ARFGEF3: variants seen among roughly 807,000 people sequenced by gnomAD.
ARFGEF3 encodes the protein brefeldin A-inhibited guanine nucleotide-exchange protein 3.
A neutral mutation model predicts 221.7 loss-of-function variants in ARFGEF3; 96 were observed. The ratio of observed to expected loss-of-function variants is 0.43; its 90% CI spans 0.37 to 0.51. The LOEUF is 0.51. Among genes scored for constraint, ARFGEF3 ranks in the 20% least tolerant of loss-of-function variants. The pLI is 0.00. For missense variants in ARFGEF3, 2,410 were observed against 2,789.9 expected (o/e 0.86, Z 3.07); for synonymous variants, 1,145 against 1,126.8 (o/e 1.02, Z -0.32).
chr6:138,238,659 C>T lies in ARFGEF3; in HGVS notation c.543+28C>T, dbSNP rs572955778. On this transcript the variant is annotated intron_variant, in intron 6 of 33. Coordinates refer to ENST00000251691, the MANE Select transcript of ARFGEF3 (RefSeq NM_020340.5). ...GAGTCTGTGACACCCCCATGTTCAT[C>T]ACCTTCCTGGTGGTGTCTGTGTATC... is the stretch of plus-strand genomic sequence containing the variant. 2.7e-5 allele frequency: 43 copies of T among 1,609,334 alleles called. No individual in the cohort carries two copies. The South Asian group carries it at 4.5e-4, about 17-fold the overall frequency.
intron 19 of ARFGEF3, among the ~76,000 whole-genome samples, chr6:138,293,485 G>A (rs968138105): frequency 6.6e-6 from 1 of 152,182 alleles, no homozygotes; most frequent in Non-Finnish European, 1.5e-5. Context: ...TCACATCCAG[G>A]CCTTTGGGTG....
At position 138,285,924 on chromosome 6, in the gene ARFGEF3, CTTCT is replaced by C; in HGVS notation, c.2462-15_2462-12del. ...ACTGGAGTGTTTTATTTAGGGAAAACTTCTTTCTTTTTCCTTGACAGATATTGAC... is the reference window on the plus strand; with the variant it reads ...ACTGGAGTGTTTTATTTAGGGAAAACTTCTTTTTCCTTGACAGATATTGAC... On this transcript the variant is annotated intron_variant, in intron 14 of 33. Coordinates refer to ENST00000251691, the MANE Select transcript of ARFGEF3 (RefSeq NM_020340.5). 2.0e-6 allele frequency: 3 copies of C among 1,530,946 alleles called. No homozygotes were observed. Among genetic ancestry groups the C allele is most frequent in the Non-Finnish European group, 2.7e-6 (3 of 1,107,146 alleles). The allele number at this position is 1,530,946 out of a possible 1,614,324, so 94.8% of individuals were successfully genotyped here.
intron 14 of ARFGEF3, 38 bp downstream of exon 14, chr6:138,280,202 G>A (rs1354529915): frequency 1.9e-6 from 3 of 1,600,750 alleles, no homozygotes; most frequent in Admixed American, 1.7e-5. Context: ...GCACGTGGTA[G>A]GGTGGGACGG....
rs114035151 is a variant in ARFGEF3, at chr6:138,224,758, G to A, written c.352-5026G>A. On this transcript the variant is annotated intron_variant, in intron 4 of 33. Coordinates refer to ENST00000251691, the MANE Select transcript of ARFGEF3 (RefSeq NM_020340.5). Reference sequence around the variant, plus strand: ...CAATGGTGTGTGTGTGTGCGTGTATGTGTGTAAGTATACAGATTTAAGTAG... The same window carrying A: ...CAATGGTGTGTGTGTGTGCGTGTATATGTGTAAGTATACAGATTTAAGTAG... Among the ~76,000 whole-genome samples, 955 of 152,324 alleles carry A rather than the reference G, an allele frequency of 6.3e-3. 10 individuals are homozygous for A. Among genetic ancestry groups the A allele is most frequent in the African/African-American group, 0.022 (901 of 41,584 alleles).
rs150244129 is a variant in ARFGEF3 at position 138,212,617 on chromosome 6, G to T, written c.351+2576G>T. On this transcript the variant is annotated intron_variant, in intron 4 of 33. Transcript: ENST00000251691. ...CACTATTCACAATAGCAAAGACTTG[G>T]AACCAACCCATATGTCCATCAATGA... Among the ~76,000 whole-genome samples, 826 of 152,228 alleles carry T rather than the reference G, an allele frequency of 5.4e-3. 2 individuals carry two copies. The highest frequency in any genetic ancestry group is 9.1e-3 in the Non-Finnish European group (616 of 68,016).
Position 138,307,511 on chromosome 6 carries a change from A to C in ARFGEF3, c.3973+114A>C, listed in dbSNP as rs1779747978. 3 of 988,920 alleles carry C rather than the reference A, an allele frequency of 3.0e-6. No individual in the cohort carries two copies. The East Asian group carries it at 7.6e-5, about 25-fold the overall frequency. The allele number at this position is 988,920 out of a possible 1,614,324, so 61.3% of individuals were successfully genotyped here. ...GAAGACAGATTGTCAGCCATGTTTT[A>C]TCAGCAGGAAAGAATGTGGTGTAGC... On this transcript the variant is annotated intron_variant, in intron 23 of 33. Coordinates refer to ENST00000251691, the MANE Select transcript of ARFGEF3 (RefSeq NM_020340.5).
At chr6:138,330,439 T>C (rs929477450) in intron 32 of ARFGEF3, among the ~76,000 whole-genome samples, 1 of 151,084 alleles carries the variant, frequency 6.6e-6, no homozygotes, top group African/African-American at 2.5e-5. Context: ...AGCCACCCAG[T>C]CTATGGTATT....
intron 22 of ARFGEF3, among the ~76,000 whole-genome samples, chr6:138,305,641 C>A (rs2102477): frequency 2.1e-5 from 3 of 145,566 alleles, no homozygotes; most frequent in African/African-American, 7.5e-5. Flanking sequence ...GCCAAATAAA[C>A]CCAGTAACAT....
intron 8 of ARFGEF3, among the ~76,000 whole-genome samples, chr6:138,247,812 G>A (rs1016683146): frequency 2.6e-4 from 39 of 152,282 alleles, no homozygotes; most frequent in Middle Eastern, 3.4e-3. Context: ...TTGTAAGATT[G>A]AGTGAGAAAA....
intron 4 of ARFGEF3, among the ~76,000 whole-genome samples, chr6:138,221,109 G>C (rs1278478253): frequency 6.6e-6 from 1 of 152,162 alleles, no homozygotes; most frequent in Non-Finnish European, 1.5e-5. Flanking sequence ...ATCAGGTCCA[G>C]GTGGGAAGAT....
intron 17 of ARFGEF3, 63 bp from the exon 18 acceptor site, chr6:138,289,755 A>T: frequency 6.5e-7 from 1 of 1,536,086 alleles, no homozygotes; most frequent in Middle Eastern, 1.7e-4. Context: ...ACATTCTTTC[A>T]TTTTCATTCT....
chr6:138,285,100 C>T (rs573949438), intron 14 of ARFGEF3, among the ~76,000 whole-genome samples: 1 of 152,136 alleles, frequency 6.6e-6, no homozygotes, highest in Non-Finnish European at 1.5e-5. Context: ...TAATACTGAC[C>T]TACTTACCTA....
At chr6:138,259,079 C>T (rs1778740220) in intron 10 of ARFGEF3, among the ~76,000 whole-genome samples, 1 of 152,168 alleles carries the variant, frequency 6.6e-6, no homozygotes, top group East Asian at 1.9e-4. Flanking sequence ...GGTGCTGCCC[C>T]AAGGAGCTCA....
rs776471288 is a variant in ARFGEF3 at position 138,255,568 on chromosome 6, C to T, written c.903C>T (p.His301=). Residue 301 remains histidine, a synonymous_variant, in exon 10 of 34, where the codon CAC becomes CAT. Transcript: ENST00000251691. ...SDSASPGVSD[H]GRGSGCSCTA... ...CTGCGTCTCCGGGAGTGTCTGACCA[C>T]GGCCGAGGATCAGGCTGCTCCTGCA... The T allele has an allele frequency of 9.9e-6, 16 of 1,614,014 alleles. No homozygotes were observed. Among genetic ancestry groups the T allele is most frequent in the South Asian group, 3.3e-5 (3 of 91,086 alleles).
At chr6:138,171,160 A>G (rs957974146) in intron 2 of ARFGEF3, among the ~76,000 whole-genome samples, 1 of 151,726 alleles carries the variant, frequency 6.6e-6, no homozygotes, top group Non-Finnish European at 1.5e-5. Flanking sequence ...ACACGTTCAT[A>G]TGATAGCATA....
rs983811068 is a variant in ARFGEF3, at chr6:138,320,124, A to C, written c.4651+245A>C. Among the ~76,000 whole-genome samples the C allele has an allele frequency of 9.2e-5, 14 of 152,234 alleles. No individual in the cohort carries two copies. The East Asian group carries it at 2.7e-3, about 29-fold the overall frequency. On this transcript the variant is annotated intron_variant, in intron 28 of 33. Coordinates refer to ENST00000251691, the MANE Select transcript of ARFGEF3 (RefSeq NM_020340.5). ...TCAAAATATATGTGTGGTAGAAAATAAAATACCTAATAAGAGGTCTGGGGT... is the reference window on the plus strand; with the variant it reads ...TCAAAATATATGTGTGGTAGAAAATCAAATACCTAATAAGAGGTCTGGGGT...
chr6:138,175,367 A>G lies in ARFGEF3; in HGVS notation c.137+4654A>G, dbSNP rs150719441. ...TCCATGAGGAGACTGCACCCTTGCT[A>G]TCTTTGCTTCTCTTTTCCCTTTTCT... On this transcript the variant is annotated intron_variant, in intron 2 of 33. Coordinates refer to ENST00000251691, the MANE Select transcript of ARFGEF3 (RefSeq NM_020340.5). Among the ~76,000 whole-genome samples the G allele has an allele frequency of 2.1e-4, 32 of 152,192 alleles. No homozygotes were observed. The East Asian group carries it at 5.0e-3, about 24-fold the overall frequency.
At chr6:138,206,351 T>G (rs943929952) in intron 2 of ARFGEF3, among the ~76,000 whole-genome samples, 1 of 151,910 alleles carries the variant, frequency 6.6e-6, no homozygotes, top group African/African-American at 2.4e-5. Context: ...TCCTTTTTTT[T>G]TTTTTTTGTC....
At chr6:138,296,329 G>T (rs1779519475) in intron 20 of ARFGEF3, among the ~76,000 whole-genome samples, 1 of 152,138 alleles carries the variant, frequency 6.6e-6, no homozygotes, top group South Asian at 2.1e-4. Flanking sequence ...AAAAATGTTG[G>T]TCAGTTACTA....
Sources: allele counts gnomAD v4.1 joint callset (sites outside exome capture counted in the v4.1 genomes callset), GRCh38; gene constraint gnomAD v4.1.1; transcripts MANE v1.5; gene names NCBI Gene and HGNC (gene_info 2026-07-23, HGNC 2026-07-21).